Variants in BACH2 observed in about 807,000 individuals in gnomAD.
The protein encoded by BACH2 is BACH transcriptional regulator 2.
BACH2 carries 5 observed loss-of-function variants against 61.8 expected under a neutral mutation model. The observed-to-expected ratio is 0.08, with a 90% CI of 0.04 to 0.17. BACH2 has a LOEUF of 0.17. Ranked by LOEUF, BACH2 falls within the 10% of genes least tolerant of loss-of-function variation. The probability of loss-of-function intolerance (pLI) is 1.00; values close to 1 mark genes in which losing one functional copy is unlikely to be tolerated. For synonymous variants in BACH2, 446 were observed against 440.1 expected (o/e 1.01, Z -0.17); for missense variants, 824 against 1,091.1 (o/e 0.76, Z 3.45).
intron 5 of BACH2, among the ~76,000 whole-genome samples, chr6:90,028,054 G>C (rs544927862): frequency 6.6e-6 from 1 of 152,264 alleles, no homozygotes; most frequent in African/African-American, 2.4e-5. Flanking sequence ...GAGAATGATG[G>C]GATAGGTGTG....
chr6:89,928,687 G>C lies in BACH2; in HGVS notation c.*3721C>G, dbSNP rs1237180888. 6.6e-6 allele frequency: 1 copy of C among 152,554 alleles called. No individual in the cohort carries two copies. Among genetic ancestry groups the C allele is most frequent in the African/African-American group, 2.4e-5 (1 of 41,370 alleles). 9.5% of individuals were successfully genotyped at this position (152,554 alleles called of 1,614,324 possible). A position where few individuals can be genotyped will look rare whatever the true frequency, so the allele number is the denominator to read the frequency against. ...AAAAGCAATGTAAGGATTACATCCC[G>C]AATTATAGTGCATCTTAAAAGCAGC... is the stretch of plus-strand genomic sequence containing the variant. On this transcript the variant is annotated 3_prime_UTR_variant, in exon 9 of 9. Transcript: ENST00000257749.
chr6:90,073,542 C>G (rs1203439126), intron 5 of BACH2, among the ~76,000 whole-genome samples: 1 of 152,184 alleles, frequency 6.6e-6, no homozygotes, highest in African/African-American at 2.4e-5. Context: ...ACTAAGTCAG[C>G]TCAATGAAAC....
intron 8 of BACH2, among the ~76,000 whole-genome samples, chr6:89,935,584 G>A (rs989343982): frequency 5.3e-5 from 8 of 152,142 alleles, no homozygotes; most frequent in African/African-American, 1.2e-4. Context: ...GTTCTTATTC[G>A]GCACTGAAAC....
At chr6:90,094,585 G>C (rs191806070) in intron 4 of BACH2, among the ~76,000 whole-genome samples, 35 of 152,258 alleles carry the variant, frequency 2.3e-4, no homozygotes, top group African/African-American at 8.2e-4. Context: ...ACTGAATCCA[G>C]GTTTGCCTAA....
At chr6:90,085,074 T>A (rs903983260) in intron 5 of BACH2, among the ~76,000 whole-genome samples, 1 of 152,124 alleles carries the variant, frequency 6.6e-6, no homozygotes, top group Non-Finnish European at 1.5e-5. Flanking sequence ...ACTAACCTAG[T>A]GAGTTCCATC....
At chr6:90,062,888 C>T (rs1324115635) in intron 5 of BACH2, 27 of 984,188 alleles carry the variant, frequency 2.7e-5, no homozygotes, top group Middle Eastern at 5.2e-4. Flanking sequence ...GCTGACCTGG[C>T]TCTGCCAAGA....
At chr6:90,084,626 G>C (rs1276439453) in intron 5 of BACH2, among the ~76,000 whole-genome samples, 4 of 150,670 alleles carry the variant, frequency 2.7e-5, no homozygotes, top group Non-Finnish European at 5.9e-5. Flanking sequence ...CAATACCTAA[G>C]TGAAAATCAT....
chr6:90,010,071 T>C (rs1206478263), intron 5 of BACH2, among the ~76,000 whole-genome samples: 1 of 152,248 alleles, frequency 6.6e-6, no homozygotes, highest in Non-Finnish European at 1.5e-5. Flanking sequence ...GAGTCCTACT[T>C]TCTTTTTGGC....
At chr6:89,959,097 G>GCGCACACA (rs1554220437) in intron 6 of BACH2, among the ~76,000 whole-genome samples, 2 of 134,484 alleles carry the variant, frequency 1.5e-5, no homozygotes, top group African/African-American at 5.6e-5. Flanking sequence ...ATGCACAAGT[G>GCGCACACA]CACACACACA....
chr6:89,984,971 G>A (rs1015681167), intron 6 of BACH2, among the ~76,000 whole-genome samples: 3 of 152,124 alleles, frequency 2.0e-5, no homozygotes, highest in Admixed American at 6.6e-5. Flanking sequence ...TTCCTATTCT[G>A]GGAAACACTG....
At chr6:90,055,757 C>T (rs1488127838) in intron 5 of BACH2, among the ~76,000 whole-genome samples, 1 of 152,148 alleles carries the variant, frequency 6.6e-6, no homozygotes, top group Non-Finnish European at 1.5e-5. Context: ...GGAAGCCCAA[C>T]AGACTAACAG....
intron 4 of BACH2, among the ~76,000 whole-genome samples, chr6:90,195,526 G>A (rs1046722176): frequency 3.3e-5 from 5 of 151,146 alleles, no homozygotes; most frequent in Non-Finnish European, 7.4e-5. Context: ...CAAAGCCAGC[G>A]GCTCTAATAA....
intron 3 of BACH2, among the ~76,000 whole-genome samples, chr6:90,221,014 G>T (rs917831320): frequency 3.3e-5 from 5 of 152,172 alleles, no homozygotes; most frequent in African/African-American, 1.2e-4. Context: ...CTAAAGTTGA[G>T]AAGTGTTGCC....
At chr6:90,273,794 C>T (rs1262178576) in intron 1 of BACH2, among the ~76,000 whole-genome samples, 1 of 152,120 alleles carries the variant, frequency 6.6e-6, no homozygotes, top group African/African-American at 2.4e-5. Context: ...AGCTCACAGG[C>T]TGGAAATTAC....
intron 5 of BACH2, among the ~76,000 whole-genome samples, chr6:90,044,043 A>G (rs1008908009): frequency 1.3e-5 from 2 of 152,292 alleles, no homozygotes; most frequent in Non-Finnish European, 2.9e-5. Flanking sequence ...ACATGATGCC[A>G]TGTACTGTTC....
At chr6:90,148,297 C>T (rs1278551675) in intron 4 of BACH2, among the ~76,000 whole-genome samples, 3 of 152,186 alleles carry the variant, frequency 2.0e-5, no homozygotes, top group African/African-American at 7.2e-5. Flanking sequence ...ACCAGGTGGT[C>T]AAAGCCTCAG....
intron 1 of BACH2, among the ~76,000 whole-genome samples, chr6:90,280,820 CAAG>C (rs1771837897): frequency 6.6e-6 from 1 of 152,106 alleles, no homozygotes; most frequent in Admixed American, 6.5e-5. Flanking sequence ...AACCTGCCTC[CAAG>C]GGTAGACATT....
intron 3 of BACH2, among the ~76,000 whole-genome samples, chr6:90,234,643 A>C (rs747126618): frequency 1.4e-4 from 21 of 152,220 alleles, no homozygotes; most frequent in Non-Finnish European, 2.8e-4. Context: ...GTTTAGAATT[A>C]AATAAAACAA....
intron 4 of BACH2, among the ~76,000 whole-genome samples, chr6:90,150,226 G>C (rs551390257): frequency 2.0e-5 from 3 of 152,070 alleles, no homozygotes; most frequent in Non-Finnish European, 4.4e-5. Flanking sequence ...CACTACTCTA[G>C]TTTGGACTTT....
Sources: allele counts gnomAD v4.1 joint callset (sites outside exome capture counted in the v4.1 genomes callset), GRCh38; gene constraint gnomAD v4.1.1; transcripts MANE v1.5; gene names NCBI Gene and HGNC (gene_info 2026-07-23, HGNC 2026-07-21).